Variants in SLC44A5 observed in about 807,000 individuals in gnomAD.
SLC44A5 encodes the protein choline transporter-like protein 5.
Under a neutral mutation model 101.8 loss-of-function variants are expected in SLC44A5, and 57 were observed. The observed-to-expected ratio is 0.56, with a 90% CI of 0.45 to 0.70. The LOEUF (loss-of-function observed/expected upper bound fraction) is 0.70, where lower values mean the gene tolerates loss of function less well. SLC44A5 is among the 30% of genes least tolerant of loss of function. The pLI is 0.00. For missense variants in SLC44A5, 737 were observed against 853.1 expected (o/e 0.86, Z 1.70); for synonymous variants, 281 against 290.9 (o/e 0.97, Z 0.35).
chr1:75,338,146 G>A (rs1020323875), intron 4 of SLC44A5, among the ~76,000 whole-genome samples: 10 of 152,190 alleles, frequency 6.6e-5, no homozygotes, highest in African/African-American at 2.4e-4. Context: ...AGGAAGGTCT[G>A]CCCACAGAAT....
chr1:75,264,235 C>T (rs1165746534), intron 6 of SLC44A5, among the ~76,000 whole-genome samples: 1 of 152,090 alleles, frequency 6.6e-6, no homozygotes, highest in Non-Finnish European at 1.5e-5. Context: ...CTCCACATCC[C>T]TGGAGCCCCA....
the SLC44A5 span, among the ~76,000 whole-genome samples, chr1:75,702,438 G>A: frequency 2.6e-5 from 4 of 152,060 alleles, no homozygotes; most frequent in Non-Finnish European, 5.9e-5. Context: ...AATGGTGCTG[G>A]GAAAACTGGC....
the SLC44A5 span, among the ~76,000 whole-genome samples, chr1:75,706,386 C>G: frequency 2.6e-5 from 4 of 152,010 alleles, no homozygotes; most frequent in African/African-American, 7.2e-5. Flanking sequence ...TGCAAATATT[C>G]CATGTATACT....
chr1:75,395,279 T>C (rs1219131199), intron 3 of SLC44A5, among the ~76,000 whole-genome samples: 1 of 152,118 alleles, frequency 6.6e-6, no homozygotes, highest in African/African-American at 2.4e-5. Flanking sequence ...CATGATACAT[T>C]TTGAGGCAGA....
intron 2 of SLC44A5, among the ~76,000 whole-genome samples, chr1:75,531,500 C>T (rs1051007129): frequency 5.3e-5 from 8 of 152,130 alleles, no homozygotes; most frequent in African/African-American, 1.9e-4. Context: ...GTTTCTTAAA[C>T]TTCTACATGC....
At chr1:75,498,312 T>G (rs915590621) in intron 2 of SLC44A5, among the ~76,000 whole-genome samples, 1 of 152,094 alleles carries the variant, frequency 6.6e-6, no homozygotes, top group African/African-American at 2.4e-5. Context: ...TTCCCACATA[T>G]CTAATCTTAA....
At chr1:75,441,652 A>G (rs1317078546) in intron 2 of SLC44A5, among the ~76,000 whole-genome samples, 1 of 152,122 alleles carries the variant, frequency 6.6e-6, no homozygotes, top group Non-Finnish European at 1.5e-5. Context: ...AACACTTCTA[A>G]AACTTAAGAA....
intron 1 of SLC44A5, among the ~76,000 whole-genome samples, chr1:75,601,003 A>C (rs980689457): frequency 1.3e-5 from 2 of 152,204 alleles, no homozygotes; most frequent in Non-Finnish European, 2.9e-5. Context: ...AATCAAGTGC[A>C]TGACTTATGA....
chr1:75,432,859 T>C (rs528923643), intron 2 of SLC44A5, among the ~76,000 whole-genome samples: 282 of 152,248 alleles, frequency 1.9e-3, no homozygotes, highest in African/African-American at 6.1e-3. Context: ...AAGCCACTTG[T>C]TAGTGTGGAT....
At chr1:75,374,196 G>A (rs890555712) in intron 3 of SLC44A5, among the ~76,000 whole-genome samples, 1 of 152,164 alleles carries the variant, frequency 6.6e-6, no homozygotes, top group African/African-American at 2.4e-5. Flanking sequence ...AGCTGAGCAG[G>A]TCCCACAATC....
the SLC44A5 span, among the ~76,000 whole-genome samples, chr1:75,675,443 GC>G: frequency 6.6e-6 from 1 of 152,122 alleles, no homozygotes; most frequent in Non-Finnish European, 1.5e-5. Flanking sequence ...GAATGCTTAA[GC>G]TTTTTGCACA....
At position 75,213,977 on chromosome 1, in the gene SLC44A5, T is replaced by C. The variant is rs751122126; in HGVS notation, c.1815A>G (p.Thr605=). Residue 605 remains threonine (T), a synonymous_variant, in exon 21 of 24, where the codon ACA becomes ACG. Transcript: ENST00000370859. ...LMRNVLKVAV[T]DEVTYFVLFL... is the part of the protein sequence containing the mutation. ...ATAATACAAAGTATGTAACTTCATC[T>C]GTAACTGCAACTCTGAGTATCAGAA... The C allele has an allele frequency of 6.3e-7, 1 of 1,588,460 alleles. No homozygotes were observed. The highest frequency in any genetic ancestry group is 2.2e-5 in the East Asian group (1 of 44,694).
chr1:75,538,752 G>A (rs903637733), intron 2 of SLC44A5, among the ~76,000 whole-genome samples: 8 of 152,210 alleles, frequency 5.3e-5, no homozygotes, highest in East Asian at 3.9e-4. Context: ...AATTCACATC[G>A]GTTTCCAATA....
chr1:75,674,626 C>T, the SLC44A5 span, among the ~76,000 whole-genome samples: 1 of 80,930 alleles, frequency 1.2e-5, no homozygotes, highest in East Asian at 4.0e-4. Flanking sequence ...GTGATCCCCC[C>T]CAACCTCAGC....
At chr1:75,545,332 C>A (rs543912165) in intron 1 of SLC44A5, among the ~76,000 whole-genome samples, 1 of 152,216 alleles carries the variant, frequency 6.6e-6, no homozygotes, top group Non-Finnish European at 1.5e-5. Context: ...GTTCATGTGT[C>A]TTTATAGTAG....
At chr1:75,567,310 G>A (rs1368293010) in intron 1 of SLC44A5, among the ~76,000 whole-genome samples, 17 of 152,146 alleles carry the variant, frequency 1.1e-4, no homozygotes, top group Admixed American at 8.5e-4. Flanking sequence ...GAAGATAGAC[G>A]TCCTGTCCTG....
chr1:75,260,840 C>CA (rs1206217559), intron 6 of SLC44A5, among the ~76,000 whole-genome samples: 1 of 152,114 alleles, frequency 6.6e-6, no homozygotes, highest in East Asian at 1.9e-4. Flanking sequence ...GACCACAGTG[C>CA]AATCAAATTA....
chr1:75,368,290 T>C (rs572433403), intron 3 of SLC44A5, among the ~76,000 whole-genome samples: 8 of 152,296 alleles, frequency 5.3e-5, no homozygotes, highest in African/African-American at 9.6e-5. Flanking sequence ...CCACAGGGGA[T>C]TGTTTCTAGA....
At chr1:75,520,646 A>G (rs1055447223) in intron 2 of SLC44A5, among the ~76,000 whole-genome samples, 4 of 152,182 alleles carry the variant, frequency 2.6e-5, no homozygotes, top group Admixed American at 6.5e-5. Flanking sequence ...ATGATAAACT[A>G]TAAGAAGTCA....
Sources: allele counts gnomAD v4.1 joint callset (sites outside exome capture counted in the v4.1 genomes callset), GRCh38; gene constraint gnomAD v4.1.1; transcripts MANE v1.5; gene names NCBI Gene and HGNC (gene_info 2026-07-23, HGNC 2026-07-21).